The following KHDRBS2 variants were observed in gnomAD, a reference collection of about 807,000 sequenced individuals.
The protein encoded by KHDRBS2 is KH RNA binding domain containing, signal transduction associated 2, also known as KH domain-containing, RNA-binding, signal transduction-associated protein 2.
Under a neutral mutation model 44.3 loss-of-function variants are expected in KHDRBS2, and 26 were observed. The observed-to-expected ratio is 0.59, with a 90% CI of 0.43 to 0.81. The LOEUF is 0.81. KHDRBS2 is among the 40% of genes least tolerant of loss of function. KHDRBS2 has a pLI of 0.00. For missense variants in KHDRBS2, 476 were observed against 433.1 expected (o/e 1.10, Z -0.88); for synonymous variants, 194 against 151.1 (o/e 1.28, Z -2.08).
At chr6:61,772,383 T>C (rs1781080207) in intron 6 of KHDRBS2, among the ~76,000 whole-genome samples, 1 of 152,142 alleles carries the variant, frequency 6.6e-6, no homozygotes, top group Non-Finnish European at 1.5e-5. Context: ...ATCCAGGAGC[T>C]GCTTTTTTGA....
chr6:62,226,265 G>C (rs925619297), intron 1 of KHDRBS2, among the ~76,000 whole-genome samples: 1 of 152,100 alleles, frequency 6.6e-6, no homozygotes, highest in Non-Finnish European at 1.5e-5. Context: ...TTGTAATTTT[G>C]ATTTGCATTT....
In KHDRBS2 at chr6:61,848,510, T is replaced by TATAC. The variant is rs1491479304; in HGVS notation, c.810+46124_810+46125insGTAT. On this transcript the variant is annotated intron_variant, in intron 6 of 8. Transcript: ENST00000281156. ...ATATATGTATATATATATATATATA[T>TATAC]GTATATATGTATATATATATACATA... Among the ~76,000 whole-genome samples the TATAC allele has an allele frequency of 1.3e-3, 62 of 48,144 alleles. 2 individuals are homozygous for TATAC. The highest frequency in any genetic ancestry group is 7.2e-3 in the African/African-American group (62 of 8,612). The allele number at this position is 48,144 out of a possible 152,430, so 31.6% of individuals were successfully genotyped here. A position where few individuals can be genotyped will look rare whatever the true frequency, so the allele number is the denominator to read the frequency against.
intron 8 of KHDRBS2, among the ~76,000 whole-genome samples, chr6:61,690,830 A>C (rs1324467082): frequency 6.6e-6 from 1 of 152,090 alleles, no homozygotes; most frequent in Non-Finnish European, 1.5e-5. Context: ...ATAGGAAAAA[A>C]TAAAAGGGCT....
chr6:62,027,035 C>CTCT (rs1252689195), intron 3 of KHDRBS2, among the ~76,000 whole-genome samples: 1 of 150,232 alleles, frequency 6.7e-6, no homozygotes, highest in Non-Finnish European at 1.5e-5. Flanking sequence ...ATTTCGAGAA[C>CTCT]TCTTATTGTA....
chr6:61,860,648 T>C (rs193260979), intron 6 of KHDRBS2, among the ~76,000 whole-genome samples: 166 of 152,254 alleles, frequency 1.1e-3, no homozygotes, highest in Non-Finnish European at 1.4e-3. Flanking sequence ...ATTACATATC[T>C]TTGCTATTGT....
At chr6:61,697,075 T>A in intron 8 of KHDRBS2, 120 bp downstream of exon 8, 1 of 736,980 alleles carries the variant, frequency 1.4e-6, no homozygotes, top group East Asian at 2.6e-5. Flanking sequence ...TGGAATTACA[T>A]GAATCAATTT....
rs183737056 is a variant in KHDRBS2, at chr6:61,875,741, G to A, written c.810+18894C>T. Among the ~76,000 whole-genome samples, 347 of 152,130 alleles carry A rather than the reference G, an allele frequency of 2.3e-3. 2 individuals are homozygous for A. The highest frequency in any genetic ancestry group is 8.1e-3 in the African/African-American group (337 of 41,542). On this transcript the variant is annotated intron_variant, in intron 6 of 8. Transcript: ENST00000281156. ...AGACTTTTCACCTTCTGATGCTAATGTGATAATTATTTTATTCTTCATGTC... is the reference window on the plus strand; with the variant it reads ...AGACTTTTCACCTTCTGATGCTAATATGATAATTATTTTATTCTTCATGTC...
At chr6:61,984,780 C>T in intron 3 of KHDRBS2, among the ~76,000 whole-genome samples, 1 of 152,180 alleles carries the variant, frequency 6.6e-6, no homozygotes, top group East Asian at 1.9e-4. Context: ...TGTCTGTTAA[C>T]TTGCAAGCCT....
intron 6 of KHDRBS2, among the ~76,000 whole-genome samples, chr6:61,738,222 G>T: frequency 6.6e-6 from 1 of 152,022 alleles, no homozygotes; most frequent in South Asian, 2.1e-4. Flanking sequence ...GAGCACATCC[G>T]ATGTGTCCAG....
chr6:61,726,912 G>T (rs542458427), intron 7 of KHDRBS2, among the ~76,000 whole-genome samples: 98 of 152,062 alleles, frequency 6.4e-4, no homozygotes, highest in Non-Finnish European at 1.1e-3. Context: ...CACAGAATTA[G>T]AAAAAAATAT....
At chr6:61,807,753 G>C (rs572457708) in intron 6 of KHDRBS2, among the ~76,000 whole-genome samples, 1 of 152,088 alleles carries the variant, frequency 6.6e-6, no homozygotes, top group South Asian at 2.1e-4. Context: ...TAAATTATCT[G>C]TACACTAAAC....
At chr6:61,836,214 G>A (rs1418252018) in intron 6 of KHDRBS2, among the ~76,000 whole-genome samples, 1 of 151,880 alleles carries the variant, frequency 6.6e-6, no homozygotes, top group Non-Finnish European at 1.5e-5. Flanking sequence ...ACATCATCTC[G>A]TCTTTGACAC....
At chr6:61,626,220 T>C in the KHDRBS2 span, among the ~76,000 whole-genome samples, 1 of 152,232 alleles carries the variant, frequency 6.6e-6, no homozygotes, top group South Asian at 2.1e-4. Flanking sequence ...ATATTTTATA[T>C]AGTTTTTAAT....
chr6:62,261,390 G>A (rs1007904076), intron 1 of KHDRBS2, among the ~76,000 whole-genome samples: 24 of 151,746 alleles, frequency 1.6e-4, no homozygotes, highest in African/African-American at 5.8e-4. Flanking sequence ...AAGCCCACCT[G>A]TCTCAATGAG....
chr6:61,954,298 CA>C (rs1231958723), intron 4 of KHDRBS2, among the ~76,000 whole-genome samples: 2 of 150,076 alleles, frequency 1.3e-5, no homozygotes, highest in East Asian at 4.0e-4. Flanking sequence ...TACATATACA[CA>C]TATATATACA....
At chr6:61,743,322 G>A (rs1776409022) in intron 6 of KHDRBS2, among the ~76,000 whole-genome samples, 1 of 152,062 alleles carries the variant, frequency 6.6e-6, no homozygotes, top group East Asian at 1.9e-4. Context: ...TAACAGATTA[G>A]GAAAATGAGA....
intron 6 of KHDRBS2, among the ~76,000 whole-genome samples, chr6:61,749,614 G>T (rs1253843782): frequency 6.6e-6 from 1 of 152,070 alleles, no homozygotes; most frequent in East Asian, 1.9e-4. Flanking sequence ...AAATGATTCA[G>T]TTTTTCAATA....
At chr6:62,264,598 C>T (rs948692967) in intron 1 of KHDRBS2, among the ~76,000 whole-genome samples, 6 of 151,624 alleles carry the variant, frequency 4.0e-5, no homozygotes, top group African/African-American at 1.2e-4. Context: ...CAAGAATTCA[C>T]AAAAGACCGT....
At chr6:61,697,131 G>GT in intron 8 of KHDRBS2, 64 bp downstream of exon 8, 1 of 1,035,690 alleles carries the variant, frequency 9.7e-7, no homozygotes, top group Non-Finnish European at 1.5e-6. Context: ...TGGAAATAAT[G>GT]TTTGAATTGT....
Sources: gnomAD v4.1 joint callset for allele counts (sites outside exome capture counted in the v4.1 genomes callset) on GRCh38, gnomAD v4.1.1 for gene constraint, MANE v1.5 for transcripts, NCBI Gene and HGNC (gene_info 2026-07-23, HGNC 2026-07-21) for gene names.